The following MAGI2 variants were observed in gnomAD, a reference collection of about 807,000 sequenced individuals.
The protein encoded by MAGI2 is membrane associated guanylate kinase, WW and PDZ domain containing 2.
A neutral mutation model predicts 133.3 loss-of-function variants in MAGI2; 35 were observed. The observed-to-expected ratio is 0.26, with a 90% CI of 0.20 to 0.35. The LOEUF is 0.35. Among genes scored for constraint, MAGI2 ranks in the 10% least tolerant of loss-of-function variants. The pLI is 1.00. For synonymous variants in MAGI2, 729 were observed against 710.6 expected, an observed-to-expected ratio of 1.03 and a Z score of -0.41; for missense variants, 1,636 against 1,863.4, an observed-to-expected ratio of 0.88 and a Z score of 2.25.
At chr7:79,050,189 G>C (rs918111614) in intron 1 of MAGI2, among the ~76,000 whole-genome samples, 1 of 152,018 alleles carries the variant, frequency 6.6e-6, no homozygotes, top group Admixed American at 6.6e-5. Context: ...TGTGAATTTG[G>C]GCTCCATGCA....
At chr7:78,528,792 C>A (rs192881223) in intron 3 of MAGI2, among the ~76,000 whole-genome samples, 86 of 152,188 alleles carry the variant, frequency 5.7e-4, no homozygotes, top group Non-Finnish European at 9.6e-4. Flanking sequence ...AACTCCCTGA[C>A]CTCGAAAGAT....
At chr7:78,230,636 C>T (rs1789871584) in intron 10 of MAGI2, among the ~76,000 whole-genome samples, 2 of 152,128 alleles carry the variant, frequency 1.3e-5, no homozygotes, top group Admixed American at 6.6e-5. Context: ...AAAAAGACCT[C>T]CTTATTTATT....
At chr7:78,495,509 A>G (rs1421758397) in intron 5 of MAGI2, among the ~76,000 whole-genome samples, 1 of 152,204 alleles carries the variant, frequency 6.6e-6, no homozygotes, top group African/African-American at 2.4e-5. Context: ...CTATATCATC[A>G]TTTCAAAATA....
At chr7:78,232,919 G>GT (rs1563299517) in intron 10 of MAGI2, among the ~76,000 whole-genome samples, 3 of 152,298 alleles carry the variant, frequency 2.0e-5, no homozygotes, top group African/African-American at 7.2e-5. Flanking sequence ...GTTTTTACAT[G>GT]TTTTGTTCAC....
chr7:78,213,446 C>T (rs1465065382), intron 10 of MAGI2, among the ~76,000 whole-genome samples: 3 of 152,184 alleles, frequency 2.0e-5, no homozygotes, highest in Non-Finnish European at 4.4e-5. Flanking sequence ...AAAAGAGAGA[C>T]ATGCTTCTTC....
intron 3 of MAGI2, among the ~76,000 whole-genome samples, chr7:78,605,292 T>C (rs1354239616): frequency 1.3e-5 from 2 of 152,156 alleles, no homozygotes; most frequent in African/African-American, 4.8e-5. Flanking sequence ...AAAATGGATA[T>C]GGAGATGCAA....
At chr7:78,593,585 G>A (rs979589828) in intron 3 of MAGI2, among the ~76,000 whole-genome samples, 3 of 152,140 alleles carry the variant, frequency 2.0e-5, no homozygotes, top group Non-Finnish European at 2.9e-5. Flanking sequence ...CAAGAAGGAA[G>A]CATCCACACT....
chr7:78,235,224 C>T (rs1002922884), intron 10 of MAGI2, among the ~76,000 whole-genome samples: 10 of 152,140 alleles, frequency 6.6e-5, no homozygotes, highest in Non-Finnish European at 1.2e-4. Context: ...TTTTCTTCTT[C>T]CCTCTGACAT....
intron 21 of MAGI2, among the ~76,000 whole-genome samples, chr7:78,045,370 C>T (rs1192002151): frequency 1.3e-5 from 2 of 151,936 alleles, no homozygotes; most frequent in African/African-American, 4.8e-5. Flanking sequence ...GTGACCTATC[C>T]ATATCCTTAA....
At chr7:78,596,188 G>GAGGGAAGAAATGAAGGA (rs1349478933) in intron 3 of MAGI2, among the ~76,000 whole-genome samples, 1 of 51,264 alleles carries the variant, frequency 2.0e-5, no homozygotes, top group African/African-American at 5.0e-5. Context: ...GGAAGGGAGG[G>GAGGGAAGAAATGAAGGA]AGGGAGGGAG....
chr7:78,943,779 T>A (rs190208195), intron 2 of MAGI2, among the ~76,000 whole-genome samples: 1 of 152,164 alleles, frequency 6.6e-6, no homozygotes, highest in Non-Finnish European at 1.5e-5. Context: ...CCAAACTATA[T>A]GGGAGATATT....
At chr7:78,163,039 T>G (rs548149122) in intron 15 of MAGI2, among the ~76,000 whole-genome samples, 28 of 152,324 alleles carry the variant, frequency 1.8e-4, no homozygotes, top group African/African-American at 6.0e-4. Flanking sequence ...CACTAATTTC[T>G]AGGATCCCTG....
At chr7:79,365,859 T>A (rs1381240143) in intron 1 of MAGI2, among the ~76,000 whole-genome samples, 1 of 80,718 alleles carries the variant, frequency 1.2e-5, no homozygotes, top group African/African-American at 6.1e-5. Context: ...AGAGTGAGAC[T>A]CTTGTCTCAA....
intron 6 of MAGI2, among the ~76,000 whole-genome samples, chr7:78,403,210 C>G (rs1195632910): frequency 1.3e-5 from 2 of 151,062 alleles, no homozygotes; most frequent in Admixed American, 1.3e-4. Flanking sequence ...TCCAAGTGTT[C>G]TCATTGTTCA....
intron 6 of MAGI2, among the ~76,000 whole-genome samples, chr7:78,434,760 G>A (rs78753435): frequency 0.021 from 3,136 of 152,136 alleles, 48 homozygotes; most frequent in South Asian, 0.074. Flanking sequence ...GAAAAATTGG[G>A]GAAATGAATG....
chr7:79,341,563 T>C (rs1840907208), intron 1 of MAGI2, among the ~76,000 whole-genome samples: 1 of 152,142 alleles, frequency 6.6e-6, no homozygotes, highest in Non-Finnish European at 1.5e-5. Context: ...AGAGGCCATA[T>C]TTTCCTGTCA....
At chr7:78,258,710 G>A (rs1174753820) in intron 9 of MAGI2, among the ~76,000 whole-genome samples, 1 of 152,028 alleles carries the variant, frequency 6.6e-6, no homozygotes, top group East Asian at 1.9e-4. Flanking sequence ...TTAATATTCT[G>A]TAACTTTTCT....
At chr7:78,247,352 C>T (rs1238624397) in intron 10 of MAGI2, among the ~76,000 whole-genome samples, 2 of 152,056 alleles carry the variant, frequency 1.3e-5, no homozygotes, top group African/African-American at 2.4e-5. Flanking sequence ...TGGAACCAGC[C>T]ACTACATCTT....
chr7:78,669,320 G>C (rs1329322045), intron 2 of MAGI2, among the ~76,000 whole-genome samples: 1 of 151,970 alleles, frequency 6.6e-6, no homozygotes, highest in Non-Finnish European at 1.5e-5. Context: ...AGAAAATCTA[G>C]AAGAAATGGA....
Sources: allele counts gnomAD v4.1 joint callset (sites outside exome capture counted in the v4.1 genomes callset), GRCh38; gene constraint gnomAD v4.1.1; transcripts MANE v1.5; gene names NCBI Gene and HGNC (gene_info 2026-07-23, HGNC 2026-07-21).